The following MRPS27 variants were observed in gnomAD, a reference collection of about 807,000 sequenced individuals.
MRPS27 encodes mitochondrial ribosomal protein S27.
A neutral mutation model predicts 48.9 loss-of-function variants in MRPS27; 43 were observed. The observed-to-expected ratio is 0.88, with a 90% CI of 0.69 to 1.13. MRPS27 has a LOEUF of 1.13. Ranked by LOEUF, MRPS27 falls within the 50% of genes most tolerant of loss-of-function variation. The pLI, the probability that MRPS27 is intolerant of heterozygous loss-of-function variation, is 0.00. For synonymous variants in MRPS27, 188 were observed against 171.9 expected (o/e 1.09, Z -0.73); for missense variants, 467 against 476.3 (o/e 0.98, Z 0.18).
At chr5:72,256,030 A>G (rs1042687804) in intron 4 of MRPS27, among the ~76,000 whole-genome samples, 1 of 152,238 alleles carries the variant, frequency 6.6e-6, no homozygotes, top group African/African-American at 2.4e-5. Flanking sequence ...GGTTTCAAGC[A>G]TACTGAATGA....
intron 7 of MRPS27, 98 bp downstream of exon 7, chr5:72,232,345 G>C: frequency 1.3e-6 from 1 of 749,150 alleles, no homozygotes; most frequent in East Asian, 2.9e-5. Context: ...GGTTGTGCCT[G>C]GCCACAGAGC....
intron 4 of MRPS27, among the ~76,000 whole-genome samples, chr5:72,292,293 TC>T (rs1211716473): frequency 6.6e-6 from 1 of 151,612 alleles, no homozygotes; most frequent in Non-Finnish European, 1.5e-5. Flanking sequence ...GGTTAGAGCT[TC>T]ACCCTTTCCT....
chr5:72,263,604 T>G (rs76588879), intron 4 of MRPS27, among the ~76,000 whole-genome samples: 1 of 151,260 alleles, frequency 6.6e-6, no homozygotes, highest in Non-Finnish European at 1.5e-5. Context: ...CTTTAAGAGA[T>G]ATTTCTCCAA....
chr5:72,226,287 C>T, intron 8 of MRPS27, 88 bp from the exon 9 acceptor site: 2 of 1,489,928 alleles, frequency 1.3e-6, no homozygotes, highest in Non-Finnish European at 1.9e-6. Flanking sequence ...AGTGAATGTT[C>T]ACCTGGCAGC....
intron 4 of MRPS27, among the ~76,000 whole-genome samples, chr5:72,289,839 C>T (rs750284193): frequency 7.2e-4 from 109 of 152,136 alleles, no homozygotes; most frequent in Non-Finnish European, 1.4e-3. Context: ...TATTGACACC[C>T]GGATAGTAGA....
intron 2 of MRPS27, among the ~76,000 whole-genome samples, chr5:72,310,820 G>A (rs1179231772): frequency 6.6e-6 from 1 of 152,182 alleles, no homozygotes; most frequent in Non-Finnish European, 1.5e-5. Context: ...ACTCTGCAGT[G>A]GAGAAATCAG....
At chr5:72,257,040 T>C (rs931791844) in intron 4 of MRPS27, among the ~76,000 whole-genome samples, 5 of 152,190 alleles carry the variant, frequency 3.3e-5, no homozygotes, top group Admixed American at 6.5e-5. Flanking sequence ...TCATGTCACA[T>C]ATATAGCACT....
Position 72,223,848 on chromosome 5 carries a change from G to A in MRPS27, c.840C>T (p.Leu280=), listed in dbSNP as rs11557156. ...CCTTCAGCACTGCACCCAGCACATC[G>A]AGCTGTGGAGCAGAAAGAGGGTCAG... is the stretch of plus-strand genomic sequence containing the variant. ...PEDIKLCREA[L]DVLGAVLKAL... is the part of the protein sequence containing the mutation. Residue 280 remains leucine (L), a splice_region_variant and synonymous_variant, in exon 10 of 11, where the codon CTC becomes CTT. Transcript: ENST00000261413. 1.3e-3 allele frequency: 2,172 copies of A among 1,613,032 alleles called. 24 individuals carry two copies. In the Admixed American group the frequency reaches 0.018, roughly 13 times the overall value.
chr5:72,307,750 G>A (rs1750313090), intron 2 of MRPS27: 1 of 152,098 alleles, frequency 6.6e-6, no homozygotes, highest in African/African-American at 2.4e-5. Flanking sequence ...CCGCAATAAG[G>A]GCTTCTGGAG....
chr5:72,289,912 A>G (rs550209765), intron 4 of MRPS27, among the ~76,000 whole-genome samples: 2 of 152,310 alleles, frequency 1.3e-5, no homozygotes, highest in Admixed American at 6.5e-5. Context: ...TCGAAGGCCT[A>G]TGTAAGCCTT....
intron 4 of MRPS27, among the ~76,000 whole-genome samples, chr5:72,267,582 A>T (rs1250818567): frequency 6.6e-6 from 1 of 152,244 alleles, no homozygotes; most frequent in Non-Finnish European, 1.5e-5. Flanking sequence ...TCCATCATTC[A>T]TTCAACAAAT....
chr5:72,275,435 G>A (rs889570658), intron 4 of MRPS27, among the ~76,000 whole-genome samples: 2 of 152,134 alleles, frequency 1.3e-5, no homozygotes, highest in South Asian at 4.1e-4. Context: ...AATCAATATC[G>A]TGAACATGGC....
chr5:72,258,298 G>A (rs889130858), intron 4 of MRPS27, among the ~76,000 whole-genome samples: 1 of 152,096 alleles, frequency 6.6e-6, no homozygotes, highest in Non-Finnish European at 1.5e-5. Context: ...ATATAAAGAA[G>A]TCTACCATGT....
At chr5:72,288,353 G>A (rs761590062) in intron 4 of MRPS27, among the ~76,000 whole-genome samples, 7 of 151,988 alleles carry the variant, frequency 4.6e-5, no homozygotes, top group Non-Finnish European at 1.0e-4. Flanking sequence ...GTCTACAGGC[G>A]CCCACCACCA....
intron 4 of MRPS27, among the ~76,000 whole-genome samples, chr5:72,292,451 C>G (rs1238578479): frequency 6.6e-6 from 1 of 152,266 alleles, no homozygotes; most frequent in South Asian, 2.1e-4. Context: ...TCTATCTCTC[C>G]TTAAAAGATC....
intron 4 of MRPS27, among the ~76,000 whole-genome samples, chr5:72,275,160 T>C (rs1223952622): frequency 6.6e-6 from 1 of 152,238 alleles, no homozygotes; most frequent in Non-Finnish European, 1.5e-5. Context: ...CTTCTTAAGC[T>C]GATAAGCAAC....
intron 4 of MRPS27, among the ~76,000 whole-genome samples, chr5:72,284,453 A>C (rs1217081046): frequency 4.6e-5 from 7 of 151,576 alleles, no homozygotes; most frequent in African/African-American, 1.7e-4. Context: ...AAATTTGGTT[A>C]ATTTCCTTCT....
At chr5:72,302,234 C>G (rs1157296748) in intron 2 of MRPS27, among the ~76,000 whole-genome samples, 1 of 152,180 alleles carries the variant, frequency 6.6e-6, no homozygotes, top group Non-Finnish European at 1.5e-5. Flanking sequence ...GTATTGAGAA[C>G]CCTGCACTAT....
At chr5:72,287,689 C>G (rs549554857) in intron 4 of MRPS27, among the ~76,000 whole-genome samples, 58 of 152,248 alleles carry the variant, frequency 3.8e-4, no homozygotes, top group African/African-American at 1.3e-3. Context: ...GAACACTTTA[C>G]CAAAGGAAAT....
Sources: gnomAD v4.1 joint callset for allele counts (sites outside exome capture counted in the v4.1 genomes callset) on GRCh38, gnomAD v4.1.1 for gene constraint, MANE v1.5 for transcripts, NCBI Gene and HGNC (gene_info 2026-07-23, HGNC 2026-07-21) for gene names.